AGAP3: variants seen among roughly 807,000 people sequenced by gnomAD.
AGAP3 encodes ArfGAP with GTPase domain, ankyrin repeat and PH domain 3, also known as arf-GAP with GTPase, ANK repeat and PH domain-containing protein 3.
AGAP3 carries 24 observed loss-of-function variants against 96.9 expected under a neutral mutation model. That is an observed-to-expected ratio of 0.25 (90% CI 0.18 to 0.35). The LOEUF is 0.35. Ranked by LOEUF, AGAP3 falls within the 10% of genes least tolerant of loss-of-function variation. AGAP3 has a pLI of 1.00. For missense variants in AGAP3, 876 were observed against 1,254.2 expected (o/e 0.70, Z 4.55); for synonymous variants, 563 against 536.1 (o/e 1.05, Z -0.69).
Position 151,108,578 on chromosome 7 carries a change from C to T in AGAP3, c.332-8215C>T, listed in dbSNP as rs1246143446. On this transcript the variant is annotated intron_variant, in intron 1 of 17. Coordinates refer to ENST00000397238, the MANE Select transcript of AGAP3 (RefSeq NM_031946.7). This position sits in a 1 kb window ranked among gnomAD's most constrained non-coding sequence, Gnocchi z 4.2. ...AATCCCCGGGCCTCAGAGCAGCCTT[C>T]GGAGGGTCCCAAGGATGTAGGCTGG... 2.0e-5 allele frequency among the ~76,000 whole-genome samples: 3 copies of T among 152,238 alleles called. No individual in the cohort carries two copies. Among genetic ancestry groups the T allele is most frequent in the African/African-American group, 7.2e-5 (3 of 41,462 alleles).
At chr7:151,137,927 T>C (rs1800665633) in intron 11 of AGAP3, 3 of 576,400 alleles carry the variant, frequency 5.2e-6, no homozygotes, top group Non-Finnish European at 9.2e-6. Flanking sequence ...GGGACAGAGC[T>C]GTGGACCGTG....
Position 151,133,397 on chromosome 7 carries a change from C to T in AGAP3, c.1327-1003C>T, listed in dbSNP as rs958635375. Among the ~76,000 whole-genome samples, 1 of 152,182 alleles carries T rather than the reference C, an allele frequency of 6.6e-6. No individual in the cohort carries two copies. Among genetic ancestry groups the T allele is most frequent in the Non-Finnish European group, 1.5e-5 (1 of 68,028 alleles). On this transcript the variant is annotated intron_variant, in intron 10 of 17. Transcript: ENST00000397238. The surrounding 1 kb of genome is among the most constrained non-coding windows in gnomAD (Gnocchi z 5.4). ...GAGAGGCTGGAAGCAGGAGGCCCAG[C>T]GGGGCTCCAGGCCAGGAAGCGGCAG...
chr7:151,118,666 C>T lies in AGAP3; in HGVS notation c.969+34C>T. ...TGTGCCCCGCCCTGCCCTTCCTGTC[C>T]CCACCATGTCTGTCTTGCCTCTGTG... On this transcript the variant is annotated intron_variant, in intron 7 of 17. Transcript: ENST00000397238. This position sits in a 1 kb window ranked among gnomAD's most constrained non-coding sequence, Gnocchi z 6.1. 6.2e-7 allele frequency: 1 copy of T among 1,603,142 alleles called. No individual in the cohort carries two copies. The highest frequency in any genetic ancestry group is 8.5e-7 in the Non-Finnish European group (1 of 1,176,238).
chr7:151,105,591 A>AC (rs1799007923), intron 1 of AGAP3, among the ~76,000 whole-genome samples: 1 of 149,340 alleles, frequency 6.7e-6, no homozygotes. Context: ...CCCCGTCTCT[A>AC]CAAAAAAAAA....
intron 5 of AGAP3, chr7:151,117,994 G>C: frequency 2.3e-6 from 2 of 887,910 alleles, no homozygotes; most frequent in Non-Finnish European, 3.4e-6. Context: ...TGTTTTTTTA[G>C]ATGAATAAAC....
chr7:151,126,617 A>G (rs926893733), intron 9 of AGAP3, among the ~76,000 whole-genome samples: 2 of 152,146 alleles, frequency 1.3e-5, no homozygotes, highest in African/African-American at 4.8e-5. Flanking sequence ...TGAGGGACTT[A>G]GAGCCTTCGA....
In AGAP3 at chr7:151,134,622, C is replaced by T. The variant is rs1323161791; in HGVS notation, c.1495+54C>T. On this transcript the variant is annotated intron_variant, in intron 11 of 17. Coordinates refer to ENST00000397238, the MANE Select transcript of AGAP3 (RefSeq NM_031946.7). ...GGGGGTGGCTGCCTTGGAGCCAAGG[C>T]AAGCAGGCATTCTGGGCTTGGCTGC... 18 of 1,526,060 alleles carry T rather than the reference C, an allele frequency of 1.2e-5. No individual in the cohort carries two copies. Among genetic ancestry groups the T allele is most frequent in the Non-Finnish European group, 1.5e-5 (17 of 1,125,132 alleles). 94.5% of individuals were successfully genotyped at this position (1,526,060 alleles called of 1,614,324 possible).
chr7:151,116,759 C>G, intron 1 of AGAP3, 34 bp from the exon 2 acceptor site: 1 of 1,613,592 alleles, frequency 6.2e-7, no homozygotes, highest in Non-Finnish European at 8.5e-7. Flanking sequence ...TGTGTGCCAC[C>G]CTGGCCCTGA....
intron 4 of AGAP3, 55 bp from the exon 5 acceptor site, chr7:151,117,581 C>T (rs988861879): frequency 4.3e-6 from 7 of 1,611,844 alleles, no homozygotes; most frequent in Non-Finnish European, 5.1e-6. Flanking sequence ...ACCTGCCCTG[C>T]ATGGGAGTTT....
At chr7:151,130,620 C>T (rs762319062) in intron 10 of AGAP3, among the ~76,000 whole-genome samples, 6 of 152,132 alleles carry the variant, frequency 3.9e-5, no homozygotes, top group Non-Finnish European at 5.9e-5. Context: ...ACTTGTTGCA[C>T]TGTGCGAGTC....
chr7:151,115,287 G>GGGCGCGGGCCGGAGGGGCCCC lies in AGAP3; in HGVS notation c.332-1498_332-1478dup, dbSNP rs1175522161. 3 of 1,002,494 alleles carry GGGCGCGGGCCGGAGGGGCCCC rather than the reference G, an allele frequency of 3.0e-6. No individual in the cohort carries two copies. In the African/African-American group the frequency reaches 5.3e-5, roughly 18 times the overall value. 62.1% of individuals were successfully genotyped at this position (1,002,494 alleles called of 1,614,324 possible). On this transcript the variant is annotated intron_variant, in intron 1 of 17. Transcript: ENST00000397238. ...CCAGCGCTGGCCAGTGCTGCGCGGC[G>GGGCGCGGGCCGGAGGGGCCCC]GGCGCGGGCCGGAGGGGCCCCGGCG...
chr7:151,100,667 A>G (rs760740731), intron 1 of AGAP3, among the ~76,000 whole-genome samples: 6 of 152,126 alleles, frequency 3.9e-5, no homozygotes, highest in Non-Finnish European at 8.8e-5. Flanking sequence ...CCTCATCTCT[A>G]CAGAAAACAA....
rs201953499 is a variant in AGAP3, at chr7:151,140,087, G to A, written c.1775G>A (p.Arg592Gln). The A allele has an allele frequency of 3.3e-4, 526 of 1,603,516 alleles. 1 individual carries two copies. The highest frequency in any genetic ancestry group is 4.3e-4 in the Non-Finnish European group (506 of 1,175,542). Residue 592 changes from arginine (R) to glutamine (Q), a missense_variant, in exon 13 of 18, where the codon CGA (arginine) becomes CAA (glutamine). Physicochemically the swap from Arg to Gln is conservative, Grantham distance 43. Transcript: ENST00000397238. The surrounding 1 kb of genome is among the most constrained non-coding windows in gnomAD (Gnocchi z 5.4). ...AGGAAAAAGAGCACCGGGACCCCCC[G>A]ACCAGACGGCCCCAGCAGTGCTACT... is the stretch of plus-strand genomic sequence containing the variant. ...HRRKKSTGTP[R>Q]PDGPSSATEE... is the part of the protein sequence containing the mutation.
chr7:151,142,694 A>T lies in AGAP3; in HGVS notation c.2273+60A>T. On this transcript the variant is annotated intron_variant, in intron 16 of 17. Coordinates refer to ENST00000397238, the MANE Select transcript of AGAP3 (RefSeq NM_031946.7). This position sits in a 1 kb window ranked among gnomAD's most constrained non-coding sequence, Gnocchi z 7.5. ...GGGGGAAGCGTTGGGGGCTCCCAGC[A>T]TGGGGAAGATTGGAGTGGCTGTGAT... 1.3e-6 allele frequency: 2 copies of T among 1,532,678 alleles called. No individual in the cohort carries two copies. Among genetic ancestry groups the T allele is most frequent in the Non-Finnish European group, 1.8e-6 (2 of 1,120,820 alleles). 94.9% of individuals were successfully genotyped at this position (1,532,678 alleles called of 1,614,324 possible).
chr7:151,122,495 C>T (rs1450028418), intron 8 of AGAP3, among the ~76,000 whole-genome samples: 1 of 150,242 alleles, frequency 6.7e-6, no homozygotes, highest in Non-Finnish European at 1.5e-5. Flanking sequence ...CCAGCAGGTG[C>T]CGCTGCCGCC....
At chr7:151,117,259 G>T (rs955873066) in intron 3 of AGAP3, 77 bp downstream of exon 3, 1 of 1,583,208 alleles carries the variant, frequency 6.3e-7, no homozygotes, top group African/African-American at 1.3e-5. Context: ...TGGGTGGGGG[G>T]TCTCCAGCCC....
intron 9 of AGAP3, among the ~76,000 whole-genome samples, chr7:151,126,901 T>A (rs1800202975): frequency 6.6e-6 from 1 of 152,202 alleles, no homozygotes; most frequent in Non-Finnish European, 1.5e-5. Flanking sequence ...TGTCTGCACA[T>A]GGCCATGTAC....
At chr7:151,092,562 C>T (rs1318270446) in intron 1 of AGAP3, among the ~76,000 whole-genome samples, 2 of 152,178 alleles carry the variant, frequency 1.3e-5, no homozygotes, top group East Asian at 1.9e-4. Context: ...GCATGTTCCA[C>T]CCGTGAATGT....
chr7:151,130,500 A>G (rs1299959786), intron 10 of AGAP3, among the ~76,000 whole-genome samples: 6 of 151,766 alleles, frequency 4.0e-5, no homozygotes, highest in African/African-American at 1.5e-4. Context: ...TGAGAGAGTC[A>G]TGTAAGAGTT....
Sources: gnomAD v4.1 joint callset for allele counts (sites outside exome capture counted in the v4.1 genomes callset) on GRCh38, gnomAD v4.1.1 for gene constraint, Gnocchi (gnomAD v3.1) non-coding constraint, MANE v1.5 for transcripts, NCBI Gene and HGNC (gene_info 2026-07-23, HGNC 2026-07-21) for gene names.